The following FGD4 variants were observed in gnomAD, a reference collection of about 807,000 sequenced individuals.
FGD4 encodes the protein FYVE, RhoGEF and PH domain-containing protein 4.
In FGD4, 42 loss-of-function variants were observed where a neutral mutation model predicts 102.0. That is an observed-to-expected ratio of 0.41 (90% CI 0.32 to 0.53). The LOEUF (loss-of-function observed/expected upper bound fraction) is 0.53. Among genes scored for constraint, FGD4 ranks in the 20% least tolerant of loss-of-function variants. FGD4 has a pLI of 0.21. For synonymous variants in FGD4, 380 were observed against 375.7 expected (o/e 1.01, Z -0.13); for missense variants, 902 against 1,078.2 (o/e 0.84, Z 2.29).
chr12:32,452,618 T>C (rs1297015210), intron 1 of FGD4, among the ~76,000 whole-genome samples: 1 of 152,216 alleles, frequency 6.6e-6, no homozygotes, highest in Non-Finnish European at 1.5e-5. Flanking sequence ...TATTTGAGCA[T>C]TCTCCTTGCT....
chr12:32,594,563 C>T (rs757314706), intron 4 of FGD4, among the ~76,000 whole-genome samples: 2 of 152,170 alleles, frequency 1.3e-5, no homozygotes, highest in Non-Finnish European at 1.5e-5. Flanking sequence ...CCTCTCTCCC[C>T]ACCCCAACCC....
chr12:32,610,392 G>C (rs532835470), intron 8 of FGD4, among the ~76,000 whole-genome samples: 103 of 152,332 alleles, frequency 6.8e-4, no homozygotes, highest in African/African-American at 2.4e-3. Context: ...GAACTATTCT[G>C]ATTTGGGCAA....
At chr12:32,404,640 G>C (rs1244568747) in intron 1 of FGD4, among the ~76,000 whole-genome samples, 1 of 152,072 alleles carries the variant, frequency 6.6e-6, no homozygotes, top group Non-Finnish European at 1.5e-5. Flanking sequence ...AGGGCTTTGA[G>C]TGGCCCAACG....
At chr12:32,540,512 A>G (rs1056754005) in intron 1 of FGD4, among the ~76,000 whole-genome samples, 9 of 151,510 alleles carry the variant, frequency 5.9e-5, no homozygotes, top group Non-Finnish European at 1.2e-4. Context: ...TTCTGAGTAG[A>G]TGGATATTAG....
At chr12:32,505,645 A>G (rs569416080) in intron 1 of FGD4, among the ~76,000 whole-genome samples, 42 of 152,338 alleles carry the variant, frequency 2.8e-4, no homozygotes, top group African/African-American at 9.9e-4. Context: ...AACCCCAGAA[A>G]TAGCTTGATG....
At chr12:32,526,759 C>T (rs1941269592) in intron 1 of FGD4, among the ~76,000 whole-genome samples, 2 of 152,168 alleles carry the variant, frequency 1.3e-5, no homozygotes, top group South Asian at 2.1e-4. Flanking sequence ...TCTGCAGCTT[C>T]ACTCCTGAGC....
chr12:32,607,854 T>A, intron 7 of FGD4, 103 bp from the exon 8 acceptor site: 1 of 1,289,898 alleles, frequency 7.8e-7, no homozygotes, highest in Non-Finnish European at 1.1e-6. Context: ...AGTCACACTT[T>A]GTCGAAAAAT....
At chr12:32,521,814 C>T (rs548540468) in intron 1 of FGD4, among the ~76,000 whole-genome samples, 2 of 152,218 alleles carry the variant, frequency 1.3e-5, no homozygotes, top group African/African-American at 4.8e-5. Flanking sequence ...AGCCATACTC[C>T]ATGAACAGTG....
At chr12:32,532,918 A>G (rs966974959) in intron 1 of FGD4, among the ~76,000 whole-genome samples, 1 of 152,206 alleles carries the variant, frequency 6.6e-6, no homozygotes, top group Admixed American at 6.5e-5. Flanking sequence ...CATTTCTGTT[A>G]TTAAAAAAGT....
chr12:32,546,445 T>A (rs1018246780), intron 1 of FGD4, among the ~76,000 whole-genome samples: 2 of 152,266 alleles, frequency 1.3e-5, no homozygotes, highest in Non-Finnish European at 2.9e-5. Context: ...GACCTTGGAA[T>A]TAAAAGCCCT....
intron 1 of FGD4, among the ~76,000 whole-genome samples, chr12:32,514,420 G>T (rs1029572796): frequency 6.6e-6 from 1 of 152,110 alleles, no homozygotes; most frequent in African/African-American, 2.4e-5. Context: ...AGCTCTTGAA[G>T]CCCTCATGAT....
At chr12:32,580,536 G>C (rs1946519471) in intron 3 of FGD4, among the ~76,000 whole-genome samples, 1 of 152,066 alleles carries the variant, frequency 6.6e-6, no homozygotes, top group Admixed American at 6.6e-5. Flanking sequence ...CTTTCAAAGA[G>C]TATAGCCCAC....
At chr12:32,477,984 T>A (rs148712020) in intron 1 of FGD4, among the ~76,000 whole-genome samples, 2 of 152,220 alleles carry the variant, frequency 1.3e-5, no homozygotes, top group Non-Finnish European at 2.9e-5. Context: ...GCTTCCTGAA[T>A]TTGTGAAGCA....
At chr12:32,520,537 G>A (rs1328012268) in intron 1 of FGD4, among the ~76,000 whole-genome samples, 1 of 150,582 alleles carries the variant, frequency 6.6e-6, no homozygotes, top group Non-Finnish European at 1.5e-5. Context: ...CCGGTTTCAC[G>A]CCATTCTCCT....
chr12:32,568,225 A>G (rs1945348497), intron 2 of FGD4, among the ~76,000 whole-genome samples: 1 of 152,238 alleles, frequency 6.6e-6, no homozygotes, highest in Admixed American at 6.5e-5. Context: ...CAAAATCAGC[A>G]GAAAGAAAGA....
intron 1 of FGD4, among the ~76,000 whole-genome samples, chr12:32,473,880 G>A (rs995982582): frequency 6.6e-6 from 1 of 152,150 alleles, no homozygotes; most frequent in African/African-American, 2.4e-5. Context: ...GAGGTCAGGA[G>A]ATCGAGACCA....
intron 1 of FGD4, among the ~76,000 whole-genome samples, chr12:32,428,956 G>A (rs1018724087): frequency 6.6e-6 from 1 of 152,046 alleles, no homozygotes; most frequent in African/African-American, 2.4e-5. Flanking sequence ...TAGCTTCCTT[G>A]CATTGGGTTA....
intron 1 of FGD4, among the ~76,000 whole-genome samples, chr12:32,434,675 T>C (rs2136442828): frequency 6.6e-6 from 1 of 152,330 alleles, no homozygotes; most frequent in African/African-American, 2.4e-5. Context: ...TTCTCATTGC[T>C]TTATGCTAGA....
At chr12:32,488,853 C>A (rs1964035) in intron 1 of FGD4, among the ~76,000 whole-genome samples, 44,250 of 151,644 alleles carry the variant, frequency 0.29, 6,795 homozygotes, top group East Asian at 0.45. Flanking sequence ...GCAGGAGAAT[C>A]GCTTGAACCC....
Sources: allele counts gnomAD v4.1 joint callset (sites outside exome capture counted in the v4.1 genomes callset), GRCh38; gene constraint gnomAD v4.1.1; transcripts MANE v1.5; gene names NCBI Gene and HGNC (gene_info 2026-07-23, HGNC 2026-07-21).